CSMD3: variants seen among roughly 807,000 people sequenced by gnomAD.
The protein encoded by CSMD3 is CUB and sushi domain-containing protein 3.
CSMD3 carries 177 observed loss-of-function variants against 435.2 expected under a neutral mutation model. The ratio of observed to expected loss-of-function variants is 0.41; its 90% CI spans 0.36 to 0.46. CSMD3 has a LOEUF of 0.46. Among genes scored for constraint, CSMD3 ranks in the 20% least tolerant of loss-of-function variants. The pLI is 0.34. For missense variants in CSMD3, 4,265 were observed against 4,504.6 expected (o/e 0.95, Z 1.52); for synonymous variants, 1,656 against 1,520.5 (o/e 1.09, Z -2.07).
At chr8:112,893,033 G>A (rs2130348691) in intron 10 of CSMD3, among the ~76,000 whole-genome samples, 1 of 151,348 alleles carries the variant, frequency 6.6e-6, no homozygotes, top group South Asian at 2.1e-4. Flanking sequence ...GGCACTATTA[G>A]TACTGCTGTT....
At chr8:113,030,063 C>G (rs2087027458) in intron 5 of CSMD3, among the ~76,000 whole-genome samples, 2 of 151,142 alleles carry the variant, frequency 1.3e-5, no homozygotes, top group African/African-American at 4.8e-5. Flanking sequence ...TAGGAATACA[C>G]CAAACCAAGG....
chr8:112,389,538 C>A (rs549565471), intron 36 of CSMD3, among the ~76,000 whole-genome samples: 108 of 152,198 alleles, frequency 7.1e-4, no homozygotes, highest in African/African-American at 2.5e-3. Context: ...TTTGTTTTGT[C>A]ATTGGTTTGC....
intron 15 of CSMD3, among the ~76,000 whole-genome samples, chr8:112,684,571 G>A (rs2075970813): frequency 6.6e-6 from 1 of 151,982 alleles, no homozygotes; most frequent in African/African-American, 2.4e-5. Flanking sequence ...GTATTCTATG[G>A]CTTCAGGTAT....
chr8:113,176,678 T>C (rs2092351064), intron 3 of CSMD3, among the ~76,000 whole-genome samples: 1 of 151,890 alleles, frequency 6.6e-6, no homozygotes, highest in South Asian at 2.1e-4. Flanking sequence ...AAACACCACA[T>C]ATTCTCAATT....
chr8:113,064,497 C>A (rs928005389), intron 5 of CSMD3, among the ~76,000 whole-genome samples: 1 of 152,004 alleles, frequency 6.6e-6, no homozygotes, highest in Non-Finnish European at 1.5e-5. Context: ...TAAATTAATT[C>A]ATTTATTTAA....
At chr8:113,176,998 GTATT>G (rs2092356305) in intron 3 of CSMD3, among the ~76,000 whole-genome samples, 1 of 151,296 alleles carries the variant, frequency 6.6e-6, no homozygotes, top group Non-Finnish European at 1.5e-5. Flanking sequence ...TATGTTGTAA[GTATT>G]TACAGTAAGT....
At chr8:113,413,374 A>G (rs1201035132) in intron 1 of CSMD3, among the ~76,000 whole-genome samples, 3 of 152,112 alleles carry the variant, frequency 2.0e-5, no homozygotes, top group African/African-American at 7.2e-5. Context: ...GGCTGCTATG[A>G]TGGAAAATCT....
chr8:112,990,331 CA>C (rs558223510), intron 6 of CSMD3, among the ~76,000 whole-genome samples: 147 of 151,852 alleles, frequency 9.7e-4, no homozygotes, highest in African/African-American at 3.5e-3. Context: ...CACATGCGAG[CA>C]AAAAAGCATC....
chr8:112,482,729 T>G (rs1193668620), intron 31 of CSMD3, among the ~76,000 whole-genome samples: 1 of 152,214 alleles, frequency 6.6e-6, no homozygotes, highest in Non-Finnish European at 1.5e-5. Context: ...GCAACTAATA[T>G]ATTAGTTTAA....
chr8:112,696,190 C>A (rs2076251018), intron 13 of CSMD3, among the ~76,000 whole-genome samples: 1 of 152,156 alleles, frequency 6.6e-6, no homozygotes, highest in Non-Finnish European at 1.5e-5. Flanking sequence ...CATCAAGCTA[C>A]CAATGACCTT....
intron 57 of CSMD3, among the ~76,000 whole-genome samples, chr8:112,288,328 T>C (rs1394997965): frequency 6.6e-6 from 1 of 152,002 alleles, no homozygotes; most frequent in Non-Finnish European, 1.5e-5. Context: ...AGAGTTAATT[T>C]ACTATGAGTC....
Position 113,173,731 on chromosome 8 carries a change from T to C in CSMD3, c.700A>G (p.Ile234Val). ...AGTGTTTTCATTTTACCTCTACAGA[T>C]AGGAACAGGAAAATCCCACGAAGCT... ...NTASWDFPVP[I>V]CRAEDACGGT... The change falls in exon 4 of 71, where the codon ATC becomes GTC. Residue 234 changes from isoleucine to valine, a missense_variant. This residue lies in a region of CSMD3 where 731 missense variants were observed against 755.4 expected (regional missense o/e 0.97). Transcript: ENST00000297405. 3 of 1,611,270 alleles carry C rather than the reference T, an allele frequency of 1.9e-6. No individual in the cohort carries two copies. Among genetic ancestry groups the C allele is most frequent in the South Asian group, 1.1e-5 (1 of 91,020 alleles).
intron 28 of CSMD3, 72 bp downstream of exon 28, chr8:112,516,962 C>G (rs1356482451): frequency 8.3e-7 from 1 of 1,201,786 alleles, no homozygotes; most frequent in Non-Finnish European, 1.2e-6. Context: ...GAATATGGTT[C>G]TTAAGAACAA....
intron 36 of CSMD3, 124 bp downstream of exon 36, chr8:112,390,540 T>C (rs1428353357): frequency 2.5e-6 from 2 of 792,872 alleles, no homozygotes; most frequent in African/African-American, 3.5e-5. Flanking sequence ...TATCTTTCTA[T>C]TCATTTCAAC....
At chr8:113,133,807 A>C (rs1184583280) in intron 4 of CSMD3, among the ~76,000 whole-genome samples, 1 of 152,096 alleles carries the variant, frequency 6.6e-6, no homozygotes, top group Non-Finnish European at 1.5e-5. Flanking sequence ...TATCAAAATA[A>C]ATATTGTATG....
intron 12 of CSMD3, among the ~76,000 whole-genome samples, chr8:112,828,038 T>TTA (rs2079751467): frequency 1.3e-5 from 2 of 152,174 alleles, no homozygotes; most frequent in East Asian, 1.9e-4. Flanking sequence ...TGCTGCCAAT[T>TTA]TATATATATA....
chr8:112,685,741 A>C lies in CSMD3; in HGVS notation c.2156-9T>G. ...GTTAGACAGGCAGGGAACTGGTGAAACAGGAAGATTATGAAATACAATAAA... is the reference window on the plus strand; with the variant it reads ...GTTAGACAGGCAGGGAACTGGTGAACCAGGAAGATTATGAAATACAATAAA... On this transcript the variant is annotated splice_polypyrimidine_tract_variant and intron_variant, in intron 14 of 70. Transcript: ENST00000297405. 6.5e-7 allele frequency: 1 copy of C among 1,536,038 alleles called. No homozygotes were observed. Among genetic ancestry groups the C allele is most frequent in the Non-Finnish European group, 9.0e-7 (1 of 1,109,694 alleles).
At chr8:112,675,393 T>G (rs1335535215) in intron 16 of CSMD3, among the ~76,000 whole-genome samples, 1 of 152,146 alleles carries the variant, frequency 6.6e-6, no homozygotes. Context: ...GACCCATGAA[T>G]GTATTACATC....
intron 53 of CSMD3, among the ~76,000 whole-genome samples, chr8:112,301,276 C>T (rs920948326): frequency 1.3e-5 from 2 of 151,798 alleles, no homozygotes; most frequent in Non-Finnish European, 2.9e-5. Context: ...AATAAATACT[C>T]TAAGGGGAAA....
Sources: gnomAD v4.1 joint callset for allele counts (sites outside exome capture counted in the v4.1 genomes callset) on GRCh38, gnomAD v4.1.1 for gene constraint, gnomAD v4.1.1 regional missense constraint, MANE v1.5 for transcripts, NCBI Gene and HGNC (gene_info 2026-07-23, HGNC 2026-07-21) for gene names.